The following CPAMD8 variants were observed in gnomAD, a reference collection of about 807,000 sequenced individuals.
CPAMD8 encodes the protein C3 and PZP-like alpha-2-macroglobulin domain-containing protein 8.
In CPAMD8, 146 loss-of-function variants were observed where a neutral mutation model predicts 224.7. That is an observed-to-expected ratio of 0.65 (90% CI 0.57 to 0.75). The LOEUF (loss-of-function observed/expected upper bound fraction) is 0.75, where lower values mean the gene tolerates loss of function less well. Among genes scored for constraint, CPAMD8 ranks in the 30% least tolerant of loss-of-function variants. CPAMD8 has a pLI of 0.00. For synonymous variants in CPAMD8, 966 were observed against 1,044.6 expected (o/e 0.92, Z 1.45); for missense variants, 2,301 against 2,537.5 (o/e 0.91, Z 2.00).
chr19:16,967,891 ATGTG>A (rs72244869), intron 18 of CPAMD8, among the ~76,000 whole-genome samples: 2 of 25,922 alleles, frequency 7.7e-5, no homozygotes, highest in Admixed American at 3.8e-4. Flanking sequence ...ATACACACAC[ATGTG>A]TGTGTATATA....
chr19:16,933,494 G>T (rs2053602177), intron 23 of CPAMD8, among the ~76,000 whole-genome samples: 1 of 152,072 alleles, frequency 6.6e-6, no homozygotes, highest in South Asian at 2.1e-4. Context: ...AATAAAAAAA[G>T]TACAACTCAA....
intron 10 of CPAMD8, among the ~76,000 whole-genome samples, chr19:16,997,784 A>G (rs111771974): frequency 0.057 from 8,614 of 152,000 alleles, 278 homozygotes; most frequent in African/African-American, 0.088. Context: ...CCCAGGAGGC[A>G]GAGGTTGAGG....
intron 3 of CPAMD8, among the ~76,000 whole-genome samples, 162 bp downstream of exon 3, chr19:17,020,169 T>C (rs1345655816): frequency 6.6e-6 from 1 of 151,894 alleles, no homozygotes; most frequent in Non-Finnish European, 1.5e-5. Flanking sequence ...AGATGCGGTT[T>C]CACCATGTTG....
rs776455938 is a variant in CPAMD8, at chr19:16,920,523, G to A, written c.3629+1382C>T. 5.5e-4 allele frequency among the ~76,000 whole-genome samples: 83 copies of A among 151,644 alleles called. 1 individual carries two copies. The highest frequency in any genetic ancestry group is 6.2e-4 in the Non-Finnish European group (42 of 67,940). On this transcript the variant is annotated intron_variant, in intron 27 of 41. Transcript: ENST00000443236. ...ATTTGATTTTTCTTGCTCATGCTGA[G>A]AGTTTAATCCCCGGAAGATGCTGAG...
At chr19:16,935,547 C>T (rs1268564125) in intron 23 of CPAMD8, among the ~76,000 whole-genome samples, 3 of 152,184 alleles carry the variant, frequency 2.0e-5, no homozygotes, top group Admixed American at 1.3e-4. Context: ...TCCCTTCATT[C>T]AAGATTCATC....
At chr19:16,950,988 ACAG>A (rs2054281600) in intron 20 of CPAMD8, among the ~76,000 whole-genome samples, 1 of 152,038 alleles carries the variant, frequency 6.6e-6, no homozygotes, top group Non-Finnish European at 1.5e-5. Context: ...GGAGACTAGG[ACAG>A]CAGCCTTTCC....
intron 14 of CPAMD8, among the ~76,000 whole-genome samples, chr19:16,977,969 A>G (rs905744710): frequency 6.6e-5 from 10 of 152,266 alleles, no homozygotes; most frequent in African/African-American, 2.4e-4. Flanking sequence ...AGACCTGGGC[A>G]GCCATTATTT....
At chr19:16,985,408 G>C (rs1372512897) in intron 13 of CPAMD8, among the ~76,000 whole-genome samples, 1 of 150,554 alleles carries the variant, frequency 6.6e-6, no homozygotes, top group African/African-American at 2.5e-5. Context: ...TGGATGGGTG[G>C]AGGAAAGAAA....
chr19:16,893,242 G>T lies in CPAMD8; in HGVS notation c.5524C>A (p.Pro1842Thr). 1 of 1,576,884 alleles carries T rather than the reference G, an allele frequency of 6.3e-7. No individual in the cohort carries two copies. Among genetic ancestry groups the T allele is most frequent in the East Asian group, 2.3e-5 (1 of 42,966 alleles). Residue 1842 changes from proline to threonine, a missense_variant, in exon 42 of 42, where the codon CCT becomes ACT. By Grantham distance (38) the Pro-to-Thr change is conservative. Around this residue, in one of 4 missense-constraint regions of CPAMD8, gnomAD observed 1,709 missense variants for 1,753.2 expected, o/e 0.97. Coordinates refer to ENST00000443236, the MANE Select transcript of CPAMD8 (RefSeq NM_015692.5). Reference sequence around the variant, plus strand: ...ACCACCCGGCCACTATGTCTCTGAGGGGCCGGAGTCTGGCCCCATCTGTGG... The same window carrying T: ...ACCACCCGGCCACTATGTCTCTGAGTGGCCGGAGTCTGGCCCCATCTGTGG... ...PFHRWGQTPA[P>T]QRHSGRVVGA...
intron 21 of CPAMD8, among the ~76,000 whole-genome samples, chr19:16,946,113 G>A (rs2054069369): frequency 2.0e-5 from 3 of 152,114 alleles, no homozygotes; most frequent in Admixed American, 2.0e-4. Flanking sequence ...GTGTGTGCAT[G>A]TGTTTGTACA....
intron 3 of CPAMD8, among the ~76,000 whole-genome samples, chr19:17,014,208 T>C (rs906408009): frequency 6.6e-6 from 1 of 151,922 alleles, no homozygotes; most frequent in Non-Finnish European, 1.5e-5. Flanking sequence ...TGCACCACCA[T>C]GCCCAGCTAA....
chr19:16,905,271 A>T (rs188111113), intron 30 of CPAMD8, among the ~76,000 whole-genome samples: 1 of 149,210 alleles, frequency 6.7e-6, no homozygotes, highest in African/African-American at 2.5e-5. Flanking sequence ...ACATAAATAA[A>T]AATAATAATA....
intron 18 of CPAMD8, among the ~76,000 whole-genome samples, chr19:16,961,948 C>T (rs2054672782): frequency 6.6e-6 from 1 of 152,144 alleles, no homozygotes; most frequent in African/African-American, 2.4e-5. Context: ...AGCTGAGAGA[C>T]CTGACGTTAG....
rs1390099251 is a variant in CPAMD8 at position 16,957,848 on chromosome 19, T to C, written c.2276+5A>G. On this transcript the variant is annotated splice_donor_5th_base_variant and intron_variant, in intron 19 of 41. Transcript: ENST00000443236. Reference sequence around the variant, plus strand: ...AGTCAGCGCAGAAAAGAAATCTTAATGTACCTGATGTTGAGACAATGCCAA... The same window carrying C: ...AGTCAGCGCAGAAAAGAAATCTTAACGTACCTGATGTTGAGACAATGCCAA... 6 of 1,613,958 alleles carry C rather than the reference T, an allele frequency of 3.7e-6. No homozygotes were observed. Among genetic ancestry groups the C allele is most frequent in the Non-Finnish European group, 5.1e-6 (6 of 1,179,966 alleles).
At chr19:16,997,089 A>T (rs778653086) in intron 11 of CPAMD8, 22 bp downstream of exon 11, 3 of 1,518,250 alleles carry the variant, frequency 2.0e-6, no homozygotes, top group Non-Finnish European at 2.7e-6. Flanking sequence ...GGCGGGAGGC[A>T]GCACAGTCAC....
intron 30 of CPAMD8, among the ~76,000 whole-genome samples, chr19:16,906,346 CTT>C (rs1285679900): frequency 1.2e-4 from 3 of 25,274 alleles, no homozygotes; most frequent in South Asian, 2.4e-3. Flanking sequence ...CCCTTTCTTT[CTT>C]TCTTTCTTTC....
chr19:16,906,887 G>T (rs1019552484), intron 30 of CPAMD8, 65 bp downstream of exon 30: 4 of 1,446,392 alleles, frequency 2.8e-6, no homozygotes, highest in Admixed American at 2.0e-5. Flanking sequence ...TTCATGAGTT[G>T]TTTACCAGAC....
intron 29 of CPAMD8, among the ~76,000 whole-genome samples, chr19:16,908,918 G>A (rs1042579888): frequency 1.2e-4 from 19 of 152,080 alleles, no homozygotes; most frequent in Admixed American, 4.6e-4. Flanking sequence ...CCCAGGTCAC[G>A]CGGGCCAGGA....
chr19:16,897,767 G>C lies in CPAMD8; in HGVS notation c.4989C>G (p.Thr1663=), dbSNP rs2608732. The C allele has an allele frequency of 0.53, 845,124 of 1,579,706 alleles. 230,092 individuals are homozygous for C. The highest frequency in any genetic ancestry group is 0.77 in the African/African-American group (56,791 of 74,218). ...FEATRFYNVS[T]HSPLARELCA... is the part of the protein sequence containing the mutation. ...ACAGTTCCCGGGCGAGTGGGCTGTG[G>C]GTGCTGACGTTGTAGAAGCGAGTGG... The change falls in exon 39 of 42, where the codon ACC becomes ACG. Residue 1663 remains threonine, a synonymous_variant. Coordinates refer to ENST00000443236, the MANE Select transcript of CPAMD8 (RefSeq NM_015692.5).
Sources: gnomAD v4.1 joint callset for allele counts (sites outside exome capture counted in the v4.1 genomes callset) on GRCh38, gnomAD v4.1.1 for gene constraint, gnomAD v4.1.1 regional missense constraint, MANE v1.5 for transcripts, NCBI Gene and HGNC (gene_info 2026-07-23, HGNC 2026-07-21) for gene names.